The following ELAPOR2 variants were observed in gnomAD, a reference collection of about 807,000 sequenced individuals.
ELAPOR2 encodes the protein endosome-lysosome associated apoptosis and autophagy regulator family member 2, also known as endosome/lysosome-associated apoptosis and autophagy regulator family member 2.
A neutral mutation model predicts 120.7 loss-of-function variants in ELAPOR2; 89 were observed. That is an observed-to-expected ratio of 0.74 (90% CI 0.62 to 0.88). The LOEUF (loss-of-function observed/expected upper bound fraction) is 0.88, where lower values mean the gene tolerates loss of function less well. Ranked by LOEUF, ELAPOR2 falls within the 40% of genes least tolerant of loss-of-function variation. The pLI, the probability that ELAPOR2 is intolerant of heterozygous loss-of-function variation, is 0.00. For synonymous variants in ELAPOR2, 444 were observed against 444.9 expected, an observed-to-expected ratio of 1.00 and a Z score of 0.03; for missense variants, 1,134 against 1,251.6, an observed-to-expected ratio of 0.91 and a Z score of 1.42.
intron 8 of ELAPOR2, among the ~76,000 whole-genome samples, chr7:86,936,914 G>C (rs757091395): frequency 1.3e-5 from 2 of 151,954 alleles, no homozygotes; most frequent in Non-Finnish European, 2.9e-5. Context: ...CCTCAGTAAC[G>C]ATGAACTGAT....
intron 18 of ELAPOR2, among the ~76,000 whole-genome samples, chr7:86,906,785 G>T (rs1789041052): frequency 1.3e-5 from 2 of 152,054 alleles, no homozygotes; most frequent in Non-Finnish European, 2.9e-5. Context: ...TCCCAACCCA[G>T]CTTGGGAGGC....
Position 86,897,571 on chromosome 7 carries a change from C to G in ELAPOR2, c.2620G>C (p.Ala874Pro). ...TFYFLWESAE[A>P]CPLCTEHDFH... ...TCATGCTCCGTACACAGAGGGCAAG[C>G]TTCAGCACTCTCCCACAGGAAATAG... The change falls in exon 19 of 22, where the codon GCT becomes CCT. Residue 874 changes from alanine to proline, a missense_variant. Physicochemically the swap from Ala to Pro is conservative, Grantham distance 27 (BLOSUM62 -1). Around this residue, in one of 3 missense-constraint regions of ELAPOR2, gnomAD observed 831 missense variants for 867.6 expected, o/e 0.96. Coordinates refer to ENST00000450689, the MANE Select transcript of ELAPOR2 (RefSeq NM_001142749.3). 1 of 1,613,328 alleles carries G rather than the reference C, an allele frequency of 6.2e-7. No homozygotes were observed.
Position 86,964,986 on chromosome 7 carries a change from ACTG to A in ELAPOR2, c.225_227del (p.Ser76del). The A allele has an allele frequency of 1.9e-6, 3 of 1,551,608 alleles. No homozygotes were observed. Among genetic ancestry groups the A allele is most frequent in the Non-Finnish European group, 2.6e-6 (3 of 1,146,878 alleles). On this transcript the variant is annotated inframe_deletion, in exon 2 of 22. Transcript: ENST00000450689. ...GAATGGCAACTCTCCACCTGGAGCC[ACTG>A]CTATCACATTCCGTATATTCAAAGT...
chr7:86,883,881 C>T (rs1799557834), intron 21 of ELAPOR2, among the ~76,000 whole-genome samples: 1 of 152,112 alleles, frequency 6.6e-6, no homozygotes, highest in Admixed American at 6.6e-5. Flanking sequence ...GTGTGCCTTT[C>T]ACTTAAAACA....
intron 1 of ELAPOR2, among the ~76,000 whole-genome samples, chr7:87,051,071 AC>A (rs1234028784): frequency 2.0e-5 from 3 of 152,216 alleles, no homozygotes; most frequent in African/African-American, 7.2e-5. Flanking sequence ...GGGATGGTCC[AC>A]AAAGGAAGTG....
At chr7:87,040,161 G>T (rs1794729769) in intron 1 of ELAPOR2, among the ~76,000 whole-genome samples, 1 of 152,250 alleles carries the variant, frequency 6.6e-6, no homozygotes, top group African/African-American at 2.4e-5. Context: ...AGCAGTCTGA[G>T]ATCAAACTGC....
chr7:86,916,320 A>G (rs529935788), intron 12 of ELAPOR2, among the ~76,000 whole-genome samples: 1 of 152,218 alleles, frequency 6.6e-6, no homozygotes, highest in Non-Finnish European at 1.5e-5. Flanking sequence ...GAAAAGGTGA[A>G]GTTTGAGCTG....
rs1389045579 is a variant in ELAPOR2, at chr7:86,891,780, C to T, written c.2974G>A (p.Val992Ile). Residue 992 changes from valine to isoleucine, a missense_variant, in exon 21 of 22, where the codon GTT becomes ATT. Transcript: ENST00000450689. ...AGTGACTGTTTATTGGAATATACAA[C>T]TTCCTCTTCATTATCTTCTCCTTCC... ...IMEGEDNEEE[V>I]VYSNKQSLLG... The T allele has an allele frequency of 5.0e-6, 8 of 1,594,366 alleles. No individual in the cohort carries two copies. The highest frequency in any genetic ancestry group is 6.9e-6 in the Non-Finnish European group (8 of 1,163,120).
intron 21 of ELAPOR2, among the ~76,000 whole-genome samples, chr7:86,887,476 C>A (rs1443484929): frequency 2.0e-5 from 3 of 152,118 alleles, no homozygotes; most frequent in African/African-American, 7.2e-5. Flanking sequence ...CTATTTACAA[C>A]TGTTCAGGGT....
At chr7:87,039,963 G>T (rs200115714) in intron 1 of ELAPOR2, among the ~76,000 whole-genome samples, 1 of 151,930 alleles carries the variant, frequency 6.6e-6, no homozygotes, top group Admixed American at 6.6e-5. Flanking sequence ...CTCGGGAAGC[G>T]CAAGGGGTCA....
chr7:86,924,527 A>C (rs950146215), intron 10 of ELAPOR2, among the ~76,000 whole-genome samples: 8 of 151,830 alleles, frequency 5.3e-5, no homozygotes, highest in African/African-American at 4.8e-5. Flanking sequence ...GAAAAAAAAA[A>C]CCTTCAGGGT....
chr7:86,967,881 C>T (rs1791970480), intron 1 of ELAPOR2, among the ~76,000 whole-genome samples: 1 of 152,152 alleles, frequency 6.6e-6, no homozygotes, highest in South Asian at 2.1e-4. Flanking sequence ...TATTTCTTTA[C>T]AATTTAAAAA....
intron 4 of ELAPOR2, among the ~76,000 whole-genome samples, chr7:86,942,816 G>T (rs1389685505): frequency 1.3e-5 from 2 of 151,924 alleles, no homozygotes; most frequent in African/African-American, 4.8e-5. Flanking sequence ...TTCCAATATT[G>T]CAAAACAGCA....
chr7:86,882,828 T>C (rs1313504891), intron 21 of ELAPOR2, among the ~76,000 whole-genome samples: 1 of 152,122 alleles, frequency 6.6e-6, no homozygotes, highest in Non-Finnish European at 1.5e-5. Flanking sequence ...AGGTCTCAAT[T>C]TACTCATGTA....
chr7:87,043,131 C>T (rs1054837108), intron 1 of ELAPOR2, among the ~76,000 whole-genome samples: 56 of 151,792 alleles, frequency 3.7e-4, no homozygotes, highest in Admixed American at 1.6e-3. Context: ...AGCTTACCAA[C>T]GAAAAAGAGT....
intron 1 of ELAPOR2, among the ~76,000 whole-genome samples, chr7:87,024,042 T>G (rs928240857): frequency 6.6e-6 from 1 of 152,178 alleles, no homozygotes; most frequent in Non-Finnish European, 1.5e-5. Context: ...CTTTGCCTAA[T>G]TGAATACCCT....
At chr7:86,980,710 A>G (rs1188890638) in intron 1 of ELAPOR2, among the ~76,000 whole-genome samples, 1 of 151,894 alleles carries the variant, frequency 6.6e-6, no homozygotes, top group Non-Finnish European at 1.5e-5. Flanking sequence ...CTACTCTCCA[A>G]AACAAGTATC....
At chr7:86,960,502 C>T (rs948026522) in intron 2 of ELAPOR2, among the ~76,000 whole-genome samples, 5 of 152,138 alleles carry the variant, frequency 3.3e-5, no homozygotes, top group Admixed American at 1.3e-4. Context: ...CCACCAACCT[C>T]GGCCTCCCAA....
intron 1 of ELAPOR2, among the ~76,000 whole-genome samples, chr7:87,034,963 T>C (rs997959435): frequency 6.6e-6 from 1 of 151,716 alleles, no homozygotes; most frequent in African/African-American, 2.4e-5. Context: ...GTGCCTGTAA[T>C]CCCAGCTACT....
Sources: gnomAD v4.1 joint callset for allele counts (sites outside exome capture counted in the v4.1 genomes callset) on GRCh38, gnomAD v4.1.1 for gene constraint, gnomAD v4.1.1 regional missense constraint, MANE v1.5 for transcripts, NCBI Gene and HGNC (gene_info 2026-07-23, HGNC 2026-07-21) for gene names.